The following CHN2 variants were observed in gnomAD, a reference collection of about 807,000 sequenced individuals.
The protein encoded by CHN2 is chimerin 2, also known as beta-chimaerin.
Under a neutral mutation model 56.3 loss-of-function variants are expected in CHN2, and 35 were observed. The ratio of observed to expected loss-of-function variants is 0.62; its 90% CI spans 0.47 to 0.82. The LOEUF is 0.82. Ranked by LOEUF, CHN2 falls within the 40% of genes least tolerant of loss-of-function variation. The pLI is 0.00. For missense variants in CHN2, 491 were observed against 580.5 expected (o/e 0.85, Z 1.58); for synonymous variants, 210 against 212.8 (o/e 0.99, Z 0.12).
At chr7:29,276,205 G>A (rs1246040365) in intron 1 of CHN2, among the ~76,000 whole-genome samples, 1 of 152,136 alleles carries the variant, frequency 6.6e-6, no homozygotes, top group Non-Finnish European at 1.5e-5. Flanking sequence ...GACAGTGTAA[G>A]GAGGGGCTGG....
chr7:29,440,108 C>T (rs1783521640), intron 6 of CHN2, among the ~76,000 whole-genome samples: 1 of 152,134 alleles, frequency 6.6e-6, no homozygotes, highest in Admixed American at 6.5e-5. Context: ...AATTTATGTA[C>T]ACATTGAACA....
intron 3 of CHN2, among the ~76,000 whole-genome samples, chr7:29,377,477 G>T (rs2128053127): frequency 6.6e-6 from 1 of 152,264 alleles, no homozygotes; most frequent in Middle Eastern, 3.4e-3. Flanking sequence ...ATGTCCTCTT[G>T]CCTTAATGAA....
chr7:29,306,363 T>C (rs1234029341), intron 1 of CHN2, among the ~76,000 whole-genome samples: 1 of 152,206 alleles, frequency 6.6e-6, no homozygotes, highest in Non-Finnish European at 1.5e-5. Context: ...GGTACTGGCA[T>C]CATGCAAAAG....
chr7:29,149,189 C>CCTT (rs1554348023), intron 2 of CHN2, among the ~76,000 whole-genome samples: 2 of 100,340 alleles, frequency 2.0e-5, no homozygotes, highest in Non-Finnish European at 3.7e-5. Flanking sequence ...GTCTGTTTCC[C>CCTT]TTTTTTTTTT....
At chr7:29,180,555 A>G (rs533367634) in intron 2 of CHN2, among the ~76,000 whole-genome samples, 293 of 151,854 alleles carry the variant, frequency 1.9e-3, no homozygotes, top group African/African-American at 6.7e-3. Flanking sequence ...AAAAAAAAAA[A>G]GTCATCTAAA....
intron 6 of CHN2, among the ~76,000 whole-genome samples, chr7:29,428,613 G>C (rs1222489540): frequency 6.6e-6 from 1 of 152,134 alleles, no homozygotes; most frequent in African/African-American, 2.4e-5. Context: ...AGGACCAGAT[G>C]TGAGAATCCA....
intron 1 of CHN2, among the ~76,000 whole-genome samples, chr7:29,275,746 G>C (rs1791145503): frequency 6.6e-6 from 1 of 152,162 alleles, no homozygotes; most frequent in African/African-American, 2.4e-5. Context: ...GTTGCACATG[G>C]CTGGGCCAGG....
At chr7:29,279,035 C>G (rs1791462641) in intron 1 of CHN2, among the ~76,000 whole-genome samples, 1 of 152,058 alleles carries the variant, frequency 6.6e-6, no homozygotes, top group African/African-American at 2.4e-5. Context: ...GTCCTGCTTC[C>G]TTCTCTCTGC....
In CHN2 at chr7:29,290,393, C is replaced by T. The variant is rs369916104; in HGVS notation, c.50-64232C>T. Among the ~76,000 whole-genome samples the T allele has an allele frequency of 2.0e-5, 3 of 152,304 alleles. No individual in the cohort carries two copies. In the East Asian group the frequency reaches 5.8e-4, roughly 29 times the overall value. Reference sequence around the variant, plus strand: ...GATAGCGAATCTCTGCTGCTGTTCCCATTTCTTTCCATTTGATATCTGAAG... The same window carrying T: ...GATAGCGAATCTCTGCTGCTGTTCCTATTTCTTTCCATTTGATATCTGAAG... On this transcript the variant is annotated intron_variant, in intron 1 of 12. Coordinates refer to ENST00000222792, the MANE Select transcript of CHN2 (RefSeq NM_004067.4).
upstream of CHN2, chr7:29,194,741 A>T: frequency 2.2e-6 from 1 of 448,802 alleles, no homozygotes; most frequent in Non-Finnish European, 3.8e-6. Flanking sequence ...GACGGAAACC[A>T]CAAATAAATA....
chr7:29,152,725 G>A (rs1439759921), intron 2 of CHN2, among the ~76,000 whole-genome samples: 1 of 152,212 alleles, frequency 6.6e-6, no homozygotes, highest in Non-Finnish European at 1.5e-5. Flanking sequence ...CTCTGAGACG[G>A]TTGGAAGAGT....
chr7:29,511,479 T>C (rs1320681503), intron 12 of CHN2, among the ~76,000 whole-genome samples: 1 of 152,196 alleles, frequency 6.6e-6, no homozygotes, highest in Non-Finnish European at 1.5e-5. Context: ...TGTATCTTTA[T>C]CATAGTGGGT....
chr7:29,163,495 T>C (rs1358040855), intron 2 of CHN2, among the ~76,000 whole-genome samples: 1 of 152,182 alleles, frequency 6.6e-6, no homozygotes. Context: ...TTGACACATA[T>C]GTTAATGGGC....
chr7:29,194,547 C>T (rs973315873), upstream of CHN2: 7 of 188,036 alleles, frequency 3.7e-5, no homozygotes, highest in Non-Finnish European at 7.6e-5. Flanking sequence ...GGAGAGGGTG[C>T]GGGAGCTGGC....
chr7:29,253,300 C>G (rs986856519), intron 1 of CHN2, among the ~76,000 whole-genome samples: 2 of 152,226 alleles, frequency 1.3e-5, no homozygotes, highest in South Asian at 2.1e-4. Flanking sequence ...GCTGCCCTAC[C>G]TACAGCCTCA....
At chr7:29,353,969 G>T (rs1798091294) in intron 1 of CHN2, among the ~76,000 whole-genome samples, 1 of 152,168 alleles carries the variant, frequency 6.6e-6, no homozygotes, top group Admixed American at 6.5e-5. Flanking sequence ...TTCTTTCATT[G>T]TCTGTTTCCT....
At chr7:29,189,770 G>A (rs543764565) in intron 2 of CHN2, among the ~76,000 whole-genome samples, 73 of 152,060 alleles carry the variant, frequency 4.8e-4, no homozygotes, top group African/African-American at 1.8e-3. Flanking sequence ...GCCTGCATGT[G>A]CCGATCTGAT....
intron 1 of CHN2, among the ~76,000 whole-genome samples, chr7:29,346,708 C>G (rs1328179859): frequency 6.6e-6 from 1 of 152,178 alleles, no homozygotes; most frequent in Non-Finnish European, 1.5e-5. Flanking sequence ...TTTTCCAAAG[C>G]CTCTACCTGT....
At chr7:29,417,666 A>T (rs185144560) in intron 6 of CHN2, among the ~76,000 whole-genome samples, 78 of 152,326 alleles carry the variant, frequency 5.1e-4, no homozygotes, top group Admixed American at 1.4e-3. Flanking sequence ...CATGTGGTTC[A>T]AACTAATATC....
Sources: gnomAD v4.1 joint callset for allele counts (sites outside exome capture counted in the v4.1 genomes callset) on GRCh38, gnomAD v4.1.1 for gene constraint, MANE v1.5 for transcripts, NCBI Gene and HGNC (gene_info 2026-07-23, HGNC 2026-07-21) for gene names.